The following CFAP77 variants were observed in gnomAD, a reference collection of about 807,000 sequenced individuals.
CFAP77 encodes cilia and flagella associated protein 77.
A neutral mutation model predicts 31.1 loss-of-function variants in CFAP77; 25 were observed. The ratio of observed to expected loss-of-function variants is 0.80; its 90% CI spans 0.59 to 1.12. The LOEUF (loss-of-function observed/expected upper bound fraction) is 1.12, where lower values mean the gene tolerates loss of function less well. Among genes scored for constraint, CFAP77 ranks in the 50% most tolerant of loss-of-function variants. CFAP77 has a pLI of 0.00. For synonymous variants in CFAP77, 151 were observed against 159.9 expected (o/e 0.94, Z 0.42); for missense variants, 377 against 397.3 (o/e 0.95, Z 0.44).
Position 132,499,734 on chromosome 9 carries a change from CTT to C in CFAP77, c.524+135_524+136del, listed in dbSNP as rs1193332376. 7.3e-5 allele frequency: 57 copies of C among 785,518 alleles called. No individual in the cohort carries two copies. The South Asian group carries it at 8.8e-4, about 12-fold the overall frequency. 48.7% of individuals were successfully genotyped at this position (785,518 alleles called of 1,614,324 possible). A position where few individuals can be genotyped will look rare whatever the true frequency, so the allele number is the denominator to read the frequency against. Reference sequence around the variant, plus strand: ...ACTGTCCTCTCTTCAATGACTCTCTCTTGTGTGACCTCTATAGCCACACCCTG... The same window carrying C: ...ACTGTCCTCTCTTCAATGACTCTCTCGTGTGACCTCTATAGCCACACCCTG... On this transcript the variant is annotated intron_variant, in intron 3 of 5. Coordinates refer to ENST00000393216, the MANE Select transcript of CFAP77 (RefSeq NM_001282957.2). The surrounding 1 kb of genome is among the most constrained non-coding windows in gnomAD (Gnocchi z 5.4).
intron 1 of CFAP77, among the ~76,000 whole-genome samples, chr9:132,467,934 T>C (rs932506129): frequency 1.3e-5 from 2 of 152,000 alleles, no homozygotes; most frequent in Non-Finnish European, 2.9e-5. Context: ...GGGAACATCC[T>C]TGTCAAAGCT....
intron 5 of CFAP77, among the ~76,000 whole-genome samples, chr9:132,549,423 A>G (rs1192023140): frequency 6.6e-6 from 1 of 152,242 alleles, no homozygotes. Context: ...ACATGCGGAA[A>G]TAGGGCAATG....
rs75435599 is a variant in CFAP77 at position 132,416,105 on chromosome 9, C to A, written c.195+5639C>A. Among the ~76,000 whole-genome samples, 960 of 151,994 alleles carry A rather than the reference C, an allele frequency of 6.3e-3. 11 individuals carry two copies. Among genetic ancestry groups the A allele is most frequent in the African/African-American group, 0.022 (927 of 41,440 alleles). Reference sequence around the variant, plus strand: ...CATAGGACTTTGGGCTGAGCGAATCCCTTGGAGTAGGACAGTGTGCTGAGG... The same window carrying A: ...CATAGGACTTTGGGCTGAGCGAATCACTTGGAGTAGGACAGTGTGCTGAGG... On this transcript the variant is annotated intron_variant, in intron 1 of 5. Coordinates refer to ENST00000393216, the MANE Select transcript of CFAP77 (RefSeq NM_001282957.2).
At position 132,564,102 on chromosome 9, in the gene CFAP77, G is replaced by A. The variant is rs375520300; in HGVS notation, c.733-8286G>A. 1.6e-4 allele frequency among the ~76,000 whole-genome samples: 25 copies of A among 152,248 alleles called. No individual in the cohort carries two copies. The South Asian group carries it at 4.2e-3, about 25-fold the overall frequency. On this transcript the variant is annotated intron_variant, in intron 5 of 5. Coordinates refer to ENST00000393216, the MANE Select transcript of CFAP77 (RefSeq NM_001282957.2). This position sits in a 1 kb window ranked among gnomAD's most constrained non-coding sequence, Gnocchi z 4.6. ...ATACACAATTCTAATTGAAGAATTC[G>A]TTGTGTGATTTTATTTTTATTAGTA...
intron 1 of CFAP77, among the ~76,000 whole-genome samples, chr9:132,418,913 G>C (rs1157530009): frequency 2.6e-5 from 4 of 152,192 alleles, no homozygotes; most frequent in African/African-American, 9.7e-5. Flanking sequence ...CTCACAGTGG[G>C]CCAGGGCCCC....
chr9:132,549,803 C>T (rs1051440525), intron 5 of CFAP77, among the ~76,000 whole-genome samples: 17 of 151,878 alleles, frequency 1.1e-4, no homozygotes, highest in Non-Finnish European at 1.9e-4. Flanking sequence ...TGTGCCACTA[C>T]ACTCCAGCCT....
intron 1 of CFAP77, among the ~76,000 whole-genome samples, chr9:132,454,932 C>G (rs1343192698): frequency 6.6e-6 from 1 of 152,120 alleles, no homozygotes; most frequent in Non-Finnish European, 1.5e-5. Flanking sequence ...TCAAAGTCCC[C>G]TTAAGTCAGA....
chr9:132,439,468 G>C (rs1442281100), intron 1 of CFAP77, among the ~76,000 whole-genome samples: 1 of 152,118 alleles, frequency 6.6e-6, no homozygotes, highest in African/African-American at 2.4e-5. Flanking sequence ...GAGAGATCCA[G>C]CTCTCTGTGG....
At chr9:132,518,760 C>T (rs1456434933) in intron 3 of CFAP77, among the ~76,000 whole-genome samples, 1 of 152,222 alleles carries the variant, frequency 6.6e-6, no homozygotes, top group Non-Finnish European at 1.5e-5. Flanking sequence ...TCCAAAGCCT[C>T]AGAGGAGATG....
At chr9:132,477,088 A>G (rs1169952854) in intron 1 of CFAP77, among the ~76,000 whole-genome samples, 1 of 152,172 alleles carries the variant, frequency 6.6e-6, no homozygotes, top group African/African-American at 2.4e-5. Flanking sequence ...GTCTCGTGCC[A>G]GGCTGACTGG....
Position 132,498,900 on chromosome 9 carries a change from T to C in CFAP77, c.295+106T>C. 1 of 823,086 alleles carries C rather than the reference T, an allele frequency of 1.2e-6. No individual in the cohort carries two copies. Among genetic ancestry groups the C allele is most frequent in the Non-Finnish European group, 1.9e-6 (1 of 516,286 alleles). 51.0% of individuals were successfully genotyped at this position (823,086 alleles called of 1,614,324 possible). A position where few individuals can be genotyped will look rare whatever the true frequency, so the allele number is the denominator to read the frequency against. Reference sequence around the variant, plus strand: ...CGCTGCTTGGCAGCTGGTTGGGTGCTGGAGAAAGACCCAGGGACCGCCAGC... The same window carrying C: ...CGCTGCTTGGCAGCTGGTTGGGTGCCGGAGAAAGACCCAGGGACCGCCAGC... On this transcript the variant is annotated intron_variant, in intron 2 of 5. Coordinates refer to ENST00000393216, the MANE Select transcript of CFAP77 (RefSeq NM_001282957.2). This position sits in a 1 kb window ranked among gnomAD's most constrained non-coding sequence, Gnocchi z 4.2.
intron 3 of CFAP77, among the ~76,000 whole-genome samples, chr9:132,524,388 G>C (rs11243813): frequency 1.3e-5 from 2 of 151,534 alleles, no homozygotes; most frequent in African/African-American, 2.4e-5. Flanking sequence ...ATCACTTGAG[G>C]TCAGGAGTTT....
At chr9:132,412,226 G>T (rs908504190) in intron 1 of CFAP77, among the ~76,000 whole-genome samples, 3 of 152,312 alleles carry the variant, frequency 2.0e-5, no homozygotes, top group Admixed American at 2.0e-4. Context: ...TGCAGAGCAG[G>T]TCTGCCCTGG....
In CFAP77 at chr9:132,490,628, C is replaced by T. The variant is rs1426340931; in HGVS notation, c.196-8067C>T. 1.3e-5 allele frequency among the ~76,000 whole-genome samples: 2 copies of T among 152,158 alleles called. No homozygotes were observed. Among genetic ancestry groups the T allele is most frequent in the African/African-American group, 2.4e-5 (1 of 41,428 alleles). ...TCCAGGCCGCTCCCTGCTCTAAGTC[C>T]CCTTGGCCCTCTTACCCTCCCTGGC... On this transcript the variant is annotated intron_variant, in intron 1 of 5. Transcript: ENST00000393216. The surrounding 1 kb of genome is among the most constrained non-coding windows in gnomAD (Gnocchi z 4.6).
intron 3 of CFAP77, among the ~76,000 whole-genome samples, chr9:132,506,974 T>G (rs747703367): frequency 2.0e-5 from 3 of 152,334 alleles, no homozygotes; most frequent in Admixed American, 1.3e-4. Context: ...ACTCTGCTCA[T>G]GTTTTTCCAG....
At chr9:132,446,254 C>A (rs191304981) in intron 1 of CFAP77, among the ~76,000 whole-genome samples, 2 of 152,208 alleles carry the variant, frequency 1.3e-5, no homozygotes, top group South Asian at 4.2e-4. Context: ...TCTGCTCGGT[C>A]GTGCCAGAGA....
chr9:132,474,459 G>C (rs986516409), intron 1 of CFAP77, among the ~76,000 whole-genome samples: 1 of 152,192 alleles, frequency 6.6e-6, no homozygotes, highest in African/African-American at 2.4e-5. Context: ...CTGGTGGGGC[G>C]CAGGGATGCG....
chr9:132,535,808 T>C (rs1852531576), intron 3 of CFAP77, among the ~76,000 whole-genome samples: 1 of 152,200 alleles, frequency 6.6e-6, no homozygotes, highest in African/African-American at 2.4e-5. Context: ...GTTCATTTGC[T>C]TTCTCCTGTT....
rs975184468 is a variant in CFAP77 at position 132,497,692 on chromosome 9, CCT to C, written c.196-1002_196-1001del. ...GGATCTCTCTGTGCCTCAGCTTCCCCCTGAGAAACGGGGATGGTAATGAGACC... is the reference window on the plus strand; with the variant it reads ...GGATCTCTCTGTGCCTCAGCTTCCCCGAGAAACGGGGATGGTAATGAGACC... On this transcript the variant is annotated intron_variant, in intron 1 of 5. Coordinates refer to ENST00000393216, the MANE Select transcript of CFAP77 (RefSeq NM_001282957.2). The surrounding 1 kb of genome is among the most constrained non-coding windows in gnomAD (Gnocchi z 4.9). 2.0e-5 allele frequency among the ~76,000 whole-genome samples: 3 copies of C among 152,148 alleles called. No individual in the cohort carries two copies. Among genetic ancestry groups the C allele is most frequent in the Non-Finnish European group, 2.9e-5 (2 of 68,030 alleles).
Sources: gnomAD v4.1 joint callset for allele counts (sites outside exome capture counted in the v4.1 genomes callset) on GRCh38, gnomAD v4.1.1 for gene constraint, Gnocchi (gnomAD v3.1) non-coding constraint, MANE v1.5 for transcripts, NCBI Gene and HGNC (gene_info 2026-07-23, HGNC 2026-07-21) for gene names.